The following ASAP2 variants were observed in gnomAD, a reference collection of about 807,000 sequenced individuals.
The protein encoded by ASAP2 is ArfGAP with SH3 domain, ankyrin repeat and PH domain 2.
ASAP2 carries 45 observed loss-of-function variants against 131.4 expected under a neutral mutation model. That is an observed-to-expected ratio of 0.34 (90% CI 0.27 to 0.44). The LOEUF is 0.44. Among genes scored for constraint, ASAP2 ranks in the 20% least tolerant of loss-of-function variants. The pLI, the probability that ASAP2 is intolerant of heterozygous loss-of-function variation, is 1.00. For synonymous variants in ASAP2, 510 were observed against 503.0 expected (o/e 1.01, Z -0.19); for missense variants, 1,011 against 1,297.0 (o/e 0.78, Z 3.39).
At chr2:9,395,741 G>A (rs1442604320) in intron 24 of ASAP2, among the ~76,000 whole-genome samples, 1 of 150,820 alleles carries the variant, frequency 6.6e-6, no homozygotes, top group Non-Finnish European at 1.5e-5. Context: ...CCAAGTAGCT[G>A]GGACTACAGG....
intron 2 of ASAP2, among the ~76,000 whole-genome samples, chr2:9,286,135 G>A (rs1440770091): frequency 2.6e-5 from 4 of 152,132 alleles, no homozygotes; most frequent in Non-Finnish European, 5.9e-5. Context: ...GGTGACTCAC[G>A]CCTGTAATCC....
At chr2:9,382,167 A>G (rs762807030) in intron 20 of ASAP2, among the ~76,000 whole-genome samples, 2 of 152,086 alleles carry the variant, frequency 1.3e-5, no homozygotes, top group African/African-American at 2.4e-5. Context: ...TATTTTTAAT[A>G]GAGACGGGGT....
intron 20 of ASAP2, among the ~76,000 whole-genome samples, chr2:9,381,626 C>T (rs2715857): frequency 0.018 from 2,810 of 152,292 alleles, 105 homozygotes; most frequent in African/African-American, 0.064. Flanking sequence ...GCCCCAGTTA[C>T]CCAGGAGGCT....
At chr2:9,322,719 C>T (rs1572450340) in intron 5 of ASAP2, among the ~76,000 whole-genome samples, 1 of 152,204 alleles carries the variant, frequency 6.6e-6, no homozygotes, top group Non-Finnish European at 1.5e-5. Context: ...CCTGGCTTCA[C>T]TGAGTGAGGA....
At chr2:9,240,830 G>A (rs1283556517) in intron 1 of ASAP2, among the ~76,000 whole-genome samples, 1 of 152,044 alleles carries the variant, frequency 6.6e-6, no homozygotes. Flanking sequence ...TGTGCTCTGG[G>A]ACCATTATTA....
intron 3 of ASAP2, among the ~76,000 whole-genome samples, chr2:9,300,005 C>T (rs1021926243): frequency 5.3e-5 from 8 of 152,230 alleles, no homozygotes; most frequent in South Asian, 4.2e-4. Context: ...CCAAGGTGGG[C>T]GGGTTGCTTT....
At chr2:9,265,294 A>G (rs186893263) in intron 1 of ASAP2, among the ~76,000 whole-genome samples, 289 of 152,382 alleles carry the variant, frequency 1.9e-3, no homozygotes, top group Admixed American at 3.9e-3. Context: ...ACAACATTCT[A>G]CATTACGAAT....
chr2:9,264,347 G>A (rs895305295), intron 1 of ASAP2, among the ~76,000 whole-genome samples: 4 of 152,170 alleles, frequency 2.6e-5, no homozygotes, highest in African/African-American at 4.8e-5. Flanking sequence ...AGACTGGGGG[G>A]GCCCGTGCTG....
At chr2:9,258,391 A>G (rs1382699346) in intron 1 of ASAP2, among the ~76,000 whole-genome samples, 1 of 150,668 alleles carries the variant, frequency 6.6e-6, no homozygotes, top group Non-Finnish European at 1.5e-5. Flanking sequence ...CCTTTAAAAA[A>G]TACCTCACAT....
chr2:9,254,525 GGATTTTTTT>G lies in ASAP2; in HGVS notation c.127-24791_127-24783del, dbSNP rs1490508324. ...GCACCACTACCCCCAGCTAATTTTT[GGATTTTTTT>G]TTTTTTTTTTTTTTTTTTTAGTAGA... On this transcript the variant is annotated intron_variant, in intron 1 of 27. Coordinates refer to ENST00000281419, the MANE Select transcript of ASAP2 (RefSeq NM_003887.3). 3.2e-3 allele frequency among the ~76,000 whole-genome samples: 257 copies of G among 81,284 alleles called. 23 individuals are homozygous for G. Among genetic ancestry groups the G allele is most frequent in the African/African-American group, 0.012 (226 of 18,472 alleles). The allele number at this position is 81,284 out of a possible 152,430, so 53.3% of individuals were successfully genotyped here. A position where few individuals can be genotyped will look rare whatever the true frequency, so the allele number is the denominator to read the frequency against.
At chr2:9,306,670 G>A (rs115089830) in intron 3 of ASAP2, among the ~76,000 whole-genome samples, 8,112 of 152,044 alleles carry the variant, frequency 0.053, 553 homozygotes, top group African/African-American at 0.15. Context: ...CAGGAGTCAA[G>A]CCTCTGCTCC....
chr2:9,323,037 G>T, intron 5 of ASAP2, 84 bp from the exon 6 acceptor site: 1 of 1,547,732 alleles, frequency 6.5e-7, no homozygotes, highest in East Asian at 2.3e-5. Context: ...GTCTCGCCAG[G>T]CTGGGTACTG....
intron 3 of ASAP2, among the ~76,000 whole-genome samples, chr2:9,303,407 C>T (rs932197709): frequency 6.6e-6 from 1 of 152,140 alleles, no homozygotes; most frequent in Non-Finnish European, 1.5e-5. Context: ...CTCTGTTTCA[C>T]GATGCTGCGA....
At chr2:9,244,065 C>T (rs1267698027) in intron 1 of ASAP2, among the ~76,000 whole-genome samples, 3 of 152,052 alleles carry the variant, frequency 2.0e-5, no homozygotes, top group Non-Finnish European at 4.4e-5. Context: ...TTTGGGAGGC[C>T]GAGGTGGGCG....
chr2:9,214,492 G>A (rs933829624), intron 1 of ASAP2, among the ~76,000 whole-genome samples: 2 of 152,114 alleles, frequency 1.3e-5, no homozygotes, highest in South Asian at 2.1e-4. Context: ...CGCCCACCTC[G>A]GCCTCACAAA....
intron 2 of ASAP2, among the ~76,000 whole-genome samples, chr2:9,296,777 G>T (rs994429130): frequency 2.0e-5 from 3 of 152,214 alleles, no homozygotes; most frequent in African/African-American, 7.2e-5. Flanking sequence ...AGGATGCAGA[G>T]GAGTTTGGGA....
chr2:9,378,893 C>T (rs367886367), intron 18 of ASAP2, 51 bp from the exon 19 acceptor site: 11 of 1,299,818 alleles, frequency 8.5e-6, no homozygotes, highest in Non-Finnish European at 1.1e-5. Context: ...AGTCCCTGGT[C>T]GTCCAGCCTG....
intron 27 of ASAP2, 121 bp downstream of exon 27, chr2:9,401,517 G>A (rs981620966): frequency 7.6e-7 from 1 of 1,314,994 alleles, no homozygotes. Flanking sequence ...TGTAGTTCCT[G>A]GTGCCTCCGC....
chr2:9,394,725 C>T (rs908918392), intron 24 of ASAP2, among the ~76,000 whole-genome samples: 2 of 152,214 alleles, frequency 1.3e-5, no homozygotes, highest in Non-Finnish European at 2.9e-5. Context: ...TAGTAACAAA[C>T]CACACCAGAC....
Sources: allele counts gnomAD v4.1 joint callset (sites outside exome capture counted in the v4.1 genomes callset), GRCh38; gene constraint gnomAD v4.1.1; transcripts MANE v1.5; gene names NCBI Gene and HGNC (gene_info 2026-07-23, HGNC 2026-07-21).